Variants in B3GALT5 observed in about 807,000 individuals in gnomAD.
B3GALT5 encodes the protein beta-1,3-galactosyltransferase 5, also known as UDP-Gal:betaGlcNAc beta 1,3-galactosyltransferase, polypeptide 5.
For synonymous variants in B3GALT5, 156 were observed against 158.6 expected (o/e 0.98, Z 0.12); for missense variants, 328 against 396.6 (o/e 0.83, Z 1.47).
Position 39,661,603 on chromosome 21 carries a change from T to G in B3GALT5, c.*111T>G, listed in dbSNP as rs2079526089. 9.5e-7 allele frequency: 1 copy of G among 1,051,432 alleles called. No individual in the cohort carries two copies. The highest frequency in any genetic ancestry group is 1.3e-6 in the Non-Finnish European group (1 of 770,558). The allele number at this position is 1,051,432 out of a possible 1,614,324, so 65.1% of individuals were successfully genotyped here. On this transcript the variant is annotated 3_prime_UTR_variant, in exon 4 of 4. Transcript: ENST00000684187. This position sits in a 1 kb window ranked among gnomAD's most constrained non-coding sequence, Gnocchi z 4.7. ...AGGATGCTGTTCTTCAGTGCTGAAA[T>G]CCACGCCAGAATGTCGGTGTTCATG... is the stretch of plus-strand genomic sequence containing the variant.
Position 39,667,572 on chromosome 21 carries a change from C to T in B3GALT5, c.*6080C>T, listed in dbSNP as rs953031359. 23 of 152,340 alleles carry T rather than the reference C, an allele frequency of 1.5e-4. No individual in the cohort carries two copies. Among genetic ancestry groups the T allele is most frequent in the Middle Eastern group, 3.4e-3 (1 of 294 alleles). The allele number at this position is 152,340 out of a possible 1,614,324, so 9.4% of individuals were successfully genotyped here. On this transcript the variant is annotated 3_prime_UTR_variant, in exon 4 of 4. Transcript: ENST00000684187. The stretch of plus-strand genomic sequence containing the variant: ...AGAAGTGCAGAATGTGGATTCCGTC[C>T]GCTCTTTAGGGCACAGCTAGCCCTG...
intron 1 of B3GALT5, among the ~76,000 whole-genome samples, chr21:39,643,970 A>G (rs1009113375): frequency 6.6e-6 from 1 of 152,170 alleles, no homozygotes; most frequent in African/African-American, 2.4e-5. Flanking sequence ...AGTCTCAATC[A>G]TTTCAGGAGG....
At position 39,616,177 on chromosome 21, in the gene B3GALT5, G is replaced by A. The variant is rs148369541; in HGVS notation, c.-392+3110G>A. 3.2e-3 allele frequency among the ~76,000 whole-genome samples: 483 copies of A among 152,202 alleles called. 2 individuals carry two copies. Among genetic ancestry groups the A allele is most frequent in the Middle Eastern group, 0.017 (5 of 294 alleles). On this transcript the variant is annotated intron_variant, in intron 1 of 3. Coordinates refer to ENST00000684187, the MANE Select transcript of B3GALT5 (RefSeq NM_001356336.2). ...AGCCTGGACAACATAGCAAGACCCC[G>A]TCTCTGAAAATGAAAGAGCTCTGAT...
At chr21:39,648,820 T>C (rs2079366421) in intron 2 of B3GALT5, among the ~76,000 whole-genome samples, 1 of 151,982 alleles carries the variant, frequency 6.6e-6, no homozygotes. Flanking sequence ...GGAGCGCTCG[T>C]GATGAGATGA....
At position 39,647,015 on chromosome 21, in the gene B3GALT5, C is replaced by T. The variant is rs572523440; in HGVS notation, c.-161+393C>T. ...ACTTGGGAGGCTGAGACAGGAGGAT[C>T]GCTTAACCCTGGGAGGTGGAGGTGG... On this transcript the variant is annotated intron_variant, in intron 2 of 3. Transcript: ENST00000684187. Among the ~76,000 whole-genome samples, 37 of 152,210 alleles carry T rather than the reference C, an allele frequency of 2.4e-4. No individual in the cohort carries two copies. The South Asian group carries it at 3.5e-3, about 15-fold the overall frequency.
At chr21:39,654,926 C>T (rs1179359767) in intron 2 of B3GALT5, among the ~76,000 whole-genome samples, 4 of 152,174 alleles carry the variant, frequency 2.6e-5, no homozygotes, top group Admixed American at 2.6e-4. Context: ...ACTTTAAATG[C>T]ACTGGGAGAT....
At position 39,661,373 on chromosome 21, in the gene B3GALT5, C is replaced by T. The variant is rs768270176; in HGVS notation, c.814C>T (p.Arg272Cys). The T allele has an allele frequency of 1.6e-5, 25 of 1,603,702 alleles. No homozygotes were observed. Among genetic ancestry groups the T allele is most frequent in the Admixed American group, 5.1e-5 (3 of 59,200 alleles). The change falls in exon 4 of 4, where the codon CGC becomes TGC. Residue 272 changes from arginine to cysteine, a missense_variant. Arg to Cys is a radical substitution (Grantham distance 180, BLOSUM62 -3). Coordinates refer to ENST00000684187, the MANE Select transcript of B3GALT5 (RefSeq NM_001356336.2). This position sits in a 1 kb window ranked among gnomAD's most constrained non-coding sequence, Gnocchi z 4.7. ...GCCGACCTTTTTTCCAGGGGGCTTACGCTTCTCCGTATGCCTCTTCAGGAG... is the reference window on the plus strand; with the variant it reads ...GCCGACCTTTTTTCCAGGGGGCTTATGCTTCTCCGTATGCCTCTTCAGGAG... ...SQPTFFPGGL[R>C]FSVCLFRRIV... is the part of the protein sequence containing the mutation.
At chr21:39,656,337 T>C (rs116405510) in intron 2 of B3GALT5, among the ~76,000 whole-genome samples, 5,314 of 152,276 alleles carry the variant, frequency 0.035, 186 homozygotes, top group African/African-American at 0.09. Context: ...AAGCAGACTC[T>C]AGCACTCAGG....
At chr21:39,625,914 C>G (rs1394024492) in intron 1 of B3GALT5, among the ~76,000 whole-genome samples, 2 of 152,134 alleles carry the variant, frequency 1.3e-5, no homozygotes, top group Admixed American at 1.3e-4. Flanking sequence ...TCAGTGAACC[C>G]CTAACTCTTT....
At chr21:39,628,018 A>G (rs146411831) in intron 1 of B3GALT5, among the ~76,000 whole-genome samples, 14 of 152,338 alleles carry the variant, frequency 9.2e-5, no homozygotes, top group Non-Finnish European at 1.5e-4. Context: ...GATGAACACT[A>G]AGTTTAATAA....
At chr21:39,632,610 A>G (rs964978694) in intron 1 of B3GALT5, among the ~76,000 whole-genome samples, 2 of 152,240 alleles carry the variant, frequency 1.3e-5, no homozygotes, top group Admixed American at 1.3e-4. Flanking sequence ...AGAAAAATCA[A>G]TACCATTTGC....
At chr21:39,647,375 T>G (rs2079350645) in intron 2 of B3GALT5, among the ~76,000 whole-genome samples, 1 of 152,170 alleles carries the variant, frequency 6.6e-6, no homozygotes, top group African/African-American at 2.4e-5. Context: ...TCATATAAAT[T>G]GAAATCCAGC....
chr21:39,662,541 C>T lies in B3GALT5; in HGVS notation c.*1049C>T, dbSNP rs915330557. On this transcript the variant is annotated 3_prime_UTR_variant, in exon 4 of 4. Coordinates refer to ENST00000684187, the MANE Select transcript of B3GALT5 (RefSeq NM_001356336.2). Reference sequence around the variant, plus strand: ...AGCCCTAAAGTGGGCCCTGGTGAAGCAGGGTGGTCCTGCGTCCACTTCCCA... The same window carrying T: ...AGCCCTAAAGTGGGCCCTGGTGAAGTAGGGTGGTCCTGCGTCCACTTCCCA... 5 of 167,162 alleles carry T rather than the reference C, an allele frequency of 3.0e-5. No homozygotes were observed. The highest frequency in any genetic ancestry group is 1.2e-4 in the African/African-American group (5 of 41,468). 10.4% of individuals were successfully genotyped at this position (167,162 alleles called of 1,614,324 possible). A position where few individuals can be genotyped will look rare whatever the true frequency, so the allele number is the denominator to read the frequency against.
chr21:39,640,674 A>C (rs1051373680), intron 1 of B3GALT5, among the ~76,000 whole-genome samples: 2 of 151,864 alleles, frequency 1.3e-5, no homozygotes, highest in Non-Finnish European at 2.9e-5. Flanking sequence ...TCCATCAAGA[A>C]AGATGAAATC....
chr21:39,659,588 T>C (rs1245834436), intron 2 of B3GALT5, among the ~76,000 whole-genome samples, 165 bp from the exon 3 acceptor site: 2 of 152,226 alleles, frequency 1.3e-5, no homozygotes, highest in Non-Finnish European at 2.9e-5. Flanking sequence ...GCCTTGATCA[T>C]ACCCATTTTA....
At chr21:39,636,301 C>A (rs571215747) in intron 1 of B3GALT5, among the ~76,000 whole-genome samples, 1 of 152,274 alleles carries the variant, frequency 6.6e-6, no homozygotes, top group African/African-American at 2.4e-5. Context: ...ACCAGGATCA[C>A]AACAGTGAGA....
intron 1 of B3GALT5, among the ~76,000 whole-genome samples, chr21:39,625,942 A>G (rs898188150): frequency 6.6e-6 from 1 of 152,242 alleles, no homozygotes; most frequent in Non-Finnish European, 1.5e-5. Flanking sequence ...GTGGTAAAAT[A>G]GACATAATGT....
intron 1 of B3GALT5, among the ~76,000 whole-genome samples, chr21:39,620,882 G>A (rs1343691386): frequency 6.6e-6 from 1 of 152,126 alleles, no homozygotes; most frequent in Non-Finnish European, 1.5e-5. Context: ...CTATAAACAA[G>A]AATAGCTTAG....
intron 2 of B3GALT5, among the ~76,000 whole-genome samples, chr21:39,658,377 CAG>C (rs1342438666): frequency 6.6e-6 from 1 of 152,058 alleles, no homozygotes; most frequent in Non-Finnish European, 1.5e-5. Flanking sequence ...AGAGGCACAT[CAG>C]AGAGAATGAG....
Sources: gnomAD v4.1 joint callset for allele counts (sites outside exome capture counted in the v4.1 genomes callset) on GRCh38, gnomAD v4.1.1 for gene constraint, Gnocchi (gnomAD v3.1) non-coding constraint, MANE v1.5 for transcripts, NCBI Gene and HGNC (gene_info 2026-07-23, HGNC 2026-07-21) for gene names.